Variants in UHRF1 observed in about 807,000 individuals in gnomAD.
UHRF1 encodes ubiquitin like with PHD and ring finger domains 1.
UHRF1 carries 9 observed loss-of-function variants against 96.5 expected under a neutral mutation model. That is an observed-to-expected ratio of 0.09 (90% CI 0.06 to 0.16). The LOEUF is 0.16. Among genes scored for constraint, UHRF1 ranks in the 10% least tolerant of loss-of-function variants. The probability of loss-of-function intolerance (pLI) is 1.00; values close to 1 mark genes in which losing one functional copy is unlikely to be tolerated. For synonymous variants in UHRF1, 455 were observed against 469.9 expected (o/e 0.97, Z 0.41); for missense variants, 626 against 1,131.1 (o/e 0.55, Z 6.40).
chr19:4,910,132 G>A (rs2032198273), intron 1 of UHRF1: 1 of 152,118 alleles, frequency 6.6e-6, no homozygotes, highest in Admixed American at 6.6e-5. Flanking sequence ...AGTCCCGGCG[G>A]CGGGGGTGGG....
In UHRF1 at chr19:4,913,617, C is replaced by T. The variant is rs931452357; in HGVS notation, c.153+2579C>T. ...TGATGACACCTGGCCCTAGCCTTGC[C>T]GGAACTCACCCGGACTGAACAGGGA... On this transcript the variant is annotated intron_variant, in intron 2 of 16. Transcript: ENST00000650932. Among the ~76,000 whole-genome samples, 31 of 151,994 alleles carry T rather than the reference C, an allele frequency of 2.0e-4. 1 individual carries two copies. Among genetic ancestry groups the T allele is most frequent in the African/African-American group, 5.8e-4 (24 of 41,352 alleles).
chr19:4,954,505 T>C lies in UHRF1; in HGVS notation c.1957+17T>C. 2 of 1,602,046 alleles carry C rather than the reference T, an allele frequency of 1.2e-6. No individual in the cohort carries two copies. Among genetic ancestry groups the C allele is most frequent in the Non-Finnish European group, 1.7e-6 (2 of 1,172,078 alleles). On this transcript the variant is annotated intron_variant, in intron 14 of 16. Transcript: ENST00000650932. The surrounding 1 kb of genome is among the most constrained non-coding windows in gnomAD (Gnocchi z 5.9). ...AGTCGGCAGGTGAGAATCTCGTGGG[T>C]GTGGGGTGAGCGTCTTGTGTGTGGG...
rs150183272 is a variant in UHRF1 at position 4,952,393 on chromosome 19, CTT to C, written c.1818+1415_1818+1416del. Among the ~76,000 whole-genome samples, 237 of 82,506 alleles carry C rather than the reference CTT, an allele frequency of 2.9e-3. 5 individuals are homozygous for C. The Admixed American group carries it at 0.03, about 10-fold the overall frequency. 54.1% of individuals were successfully genotyped at this position (82,506 alleles called of 152,430 possible). On this transcript the variant is annotated intron_variant, in intron 13 of 16. Coordinates refer to ENST00000650932, the MANE Select transcript of UHRF1 (RefSeq NM_001048201.3). ...ACAGGCGTAAGCCACCGCTCCCAGC[CTT>C]TTTTTTTTTTTTTTTTTGGAGACAG...
At position 4,956,701 on chromosome 19, in the gene UHRF1, C is replaced by T. The variant is rs1351360735; in HGVS notation, c.2131-8C>T. On this transcript the variant is annotated splice_polypyrimidine_tract_variant and splice_region_variant and intron_variant, in intron 15 of 16. Transcript: ENST00000650932. ...GTCTTTGCCGGCCTCACACCCGCTTCCCTCTAGTTCCAGTTGTTCCTGAGT... is the reference window on the plus strand; with the variant it reads ...GTCTTTGCCGGCCTCACACCCGCTTTCCTCTAGTTCCAGTTGTTCCTGAGT... 4 of 1,600,074 alleles carry T rather than the reference C, an allele frequency of 2.5e-6. No individual in the cohort carries two copies. Among genetic ancestry groups the T allele is most frequent in the Non-Finnish European group, 3.4e-6 (4 of 1,170,358 alleles).
At chr19:4,949,121 CAA>C (rs35300036) in intron 11 of UHRF1, among the ~76,000 whole-genome samples, 96 of 138,542 alleles carry the variant, frequency 6.9e-4, no homozygotes, top group Admixed American at 8.6e-4. Context: ...GGTGACAGAG[CAA>C]AAAAAAAAAA....
intron 16 of UHRF1, 22 bp from the exon 17 acceptor site, chr19:4,960,635 A>T: frequency 6.2e-7 from 1 of 1,610,786 alleles, no homozygotes; most frequent in Non-Finnish European, 8.5e-7. Flanking sequence ...GGCACTTCTC[A>T]CGCGCCTGCT....
chr19:4,959,202 C>CT (rs1480258691), intron 16 of UHRF1, among the ~76,000 whole-genome samples: 1 of 151,248 alleles, frequency 6.6e-6, no homozygotes, highest in Non-Finnish European at 1.5e-5. Context: ...TGCTGGTGGG[C>CT]GCCTGTAATC....
intron 7 of UHRF1, 30 bp downstream of exon 7, chr19:4,941,961 A>C: frequency 1.4e-6 from 2 of 1,454,786 alleles, no homozygotes; most frequent in Non-Finnish European, 1.8e-6. Flanking sequence ...CCGCGGGGAG[A>C]CCAGAGCGCC....
At chr19:4,938,857 C>A (rs1180233951) in intron 5 of UHRF1, among the ~76,000 whole-genome samples, 1 of 149,222 alleles carries the variant, frequency 6.7e-6, no homozygotes, top group Admixed American at 6.8e-5. Flanking sequence ...AATCCTCCAA[C>A]CTCAGCCTCC....
At chr19:4,946,152 C>G (rs1287665240) in intron 10 of UHRF1, among the ~76,000 whole-genome samples, 187 bp downstream of exon 10, 2 of 152,154 alleles carry the variant, frequency 1.3e-5, no homozygotes, top group African/African-American at 4.8e-5. Flanking sequence ...TCTTCCCAAA[C>G]TGAAACGTTG....
intron 11 of UHRF1, 103 bp downstream of exon 11, chr19:4,947,314 G>A (rs921782439): frequency 5.6e-6 from 6 of 1,068,296 alleles, no homozygotes; most frequent in African/African-American, 3.1e-5. Context: ...CATTAGGAGC[G>A]TGGTAGAACA....
chr19:4,934,980 CTT>C (rs34325579), intron 5 of UHRF1, among the ~76,000 whole-genome samples: 2 of 149,878 alleles, frequency 1.3e-5, no homozygotes, highest in Non-Finnish European at 3.0e-5. Flanking sequence ...TGGTGACTAA[CTT>C]TTTTTTTTTG....
intron 1 of UHRF1, 174 bp downstream of exon 1, chr19:4,909,829 C>G: frequency 2.4e-6 from 1 of 409,680 alleles, no homozygotes. Context: ...CGGCACACAT[C>G]CGGCTGGAGC....
intron 2 of UHRF1, among the ~76,000 whole-genome samples, chr19:4,915,313 C>T (rs951043896): frequency 5.3e-5 from 8 of 152,326 alleles, no homozygotes; most frequent in East Asian, 1.9e-4. Context: ...TGGTAGAGGG[C>T]GCGGCCTCTG....
chr19:4,934,431 C>T (rs1306453878), intron 5 of UHRF1, among the ~76,000 whole-genome samples: 1 of 152,156 alleles, frequency 6.6e-6, no homozygotes, highest in Non-Finnish European at 1.5e-5. Context: ...TGTCCTCTTC[C>T]CAAACTGAAA....
chr19:4,956,605 G>A (rs2033862971), intron 15 of UHRF1, 104 bp from the exon 16 acceptor site: 4 of 739,688 alleles, frequency 5.4e-6, no homozygotes, highest in Non-Finnish European at 7.2e-6. Flanking sequence ...GTGAAGGCTG[G>A]GGACAGAATT....
intron 2 of UHRF1, among the ~76,000 whole-genome samples, chr19:4,920,321 A>G (rs2032663044): frequency 6.6e-6 from 1 of 151,884 alleles, no homozygotes; most frequent in Non-Finnish European, 1.5e-5. Context: ...ACTCTCAGCC[A>G]TTCGGGAGGC....
chr19:4,938,759 T>TTTTTTTTTG, intron 5 of UHRF1, among the ~76,000 whole-genome samples: 1 of 130,188 alleles, frequency 7.7e-6, no homozygotes. Flanking sequence ...TTTTTTTTTT[T>TTTTTTTTTG]TTGAGATAAG....
intron 5 of UHRF1, 73 bp from the exon 6 acceptor site, chr19:4,941,455 G>C: frequency 8.5e-7 from 1 of 1,179,430 alleles, no homozygotes; most frequent in Non-Finnish European, 1.2e-6. Context: ...GAGAACCCGT[G>C]GTGTTCAAGT....
Sources: gnomAD v4.1 joint callset for allele counts (sites outside exome capture counted in the v4.1 genomes callset) on GRCh38, gnomAD v4.1.1 for gene constraint, Gnocchi (gnomAD v3.1) non-coding constraint, MANE v1.5 for transcripts, NCBI Gene and HGNC (gene_info 2026-07-23, HGNC 2026-07-21) for gene names.